DNAH2: variants seen among roughly 807,000 people sequenced by gnomAD.
DNAH2 encodes the protein dynein axonemal heavy chain 2.
DNAH2 carries 323 observed loss-of-function variants against 523.5 expected under a neutral mutation model. The ratio of observed to expected loss-of-function variants is 0.62; its 90% CI spans 0.56 to 0.68. The LOEUF is 0.68. Ranked by LOEUF, DNAH2 falls within the 30% of genes least tolerant of loss-of-function variation. The probability of loss-of-function intolerance (pLI) is 0.00; values close to 1 mark genes in which losing one functional copy is unlikely to be tolerated. For missense variants in DNAH2, 4,907 were observed against 5,701.5 expected (o/e 0.86, Z 4.49); for synonymous variants, 2,093 against 2,177.4 (o/e 0.96, Z 1.08).
Position 7,816,661 on chromosome 17 carries a change from C to G in DNAH2, c.9820C>G (p.Leu3274Val). The G allele has an allele frequency of 6.2e-7, 1 of 1,614,208 alleles. No individual in the cohort carries two copies. Among genetic ancestry groups the G allele is most frequent in the East Asian group, 2.2e-5 (1 of 44,892 alleles). ...TCGCAAGAAGTCTGAAGAGATGGAG[C>G]TGAAGCTGGAGCGAGCTGGGATGCT... ...ELRKKSEEME[L>V]KLERAGMLVS... The change falls in exon 64 of 86, where the codon CTG (leucine) becomes GTG (valine). Residue 3274 changes from leucine (L) to valine (V), a missense_variant. Transcript: ENST00000572933.
rs35295135 is a variant in DNAH2 at position 7,798,207 on chromosome 17, G to A, written c.8281G>A (p.Val2761Met). Residue 2761 changes from valine to methionine, a missense_variant, in exon 54 of 86, where the codon GTG becomes ATG. Transcript: ENST00000572933. The surrounding 1 kb of genome is among the most constrained non-coding windows in gnomAD (Gnocchi z 5.5). ...ACAGCCTCGGGGCAACATGCTCCTG[G>A]TGGGTATCGGGGGCAGCGGACGCCA... ...IGQPRGNMLLVGIGGSGRQSL... is the reference protein window; with the variant it reads ...IGQPRGNMLLMGIGGSGRQSL... 0.024 allele frequency: 38,707 copies of A among 1,612,898 alleles called. 521 individuals carry two copies. The highest frequency in any genetic ancestry group is 0.029 in the Non-Finnish European group (34,026 of 1,179,006).
At position 7,718,674 on chromosome 17, in the gene DNAH2, G is replaced by A. The variant is rs1047615117; in HGVS notation, c.-140G>A. 1 of 152,662 alleles carries A rather than the reference G, an allele frequency of 6.6e-6. No individual in the cohort carries two copies. The highest frequency in any genetic ancestry group is 1.5e-5 in the Non-Finnish European group (1 of 68,062). The allele number at this position is 152,662 out of a possible 1,614,324, so 9.5% of individuals were successfully genotyped here. ...CCAATCTGTTCTCAGGGCATTTTGA[G>A]TCAAATAAATGATCCTGACTGATCT... On this transcript the variant is annotated 5_prime_UTR_variant, in exon 1 of 86. Coordinates refer to ENST00000572933, the MANE Select transcript of DNAH2 (RefSeq NM_020877.5).
Position 7,792,063 on chromosome 17 carries a change from C to T in DNAH2, c.7047C>T (p.Pro2349=). ...SYLREIEGSF[P]NKDTVYEYFV... ...TCCGAGAGATCGAGGGCTCCTTTCC[C>T]AATAAGGTTGGGCGCACACCTGGCT... is the stretch of plus-strand genomic sequence containing the variant. Residue 2349 remains proline, a synonymous_variant, in exon 45 of 86, where the codon CCC becomes CCT. Transcript: ENST00000572933. 1.2e-6 allele frequency: 2 copies of T among 1,613,374 alleles called. No individual in the cohort carries two copies. The highest frequency in any genetic ancestry group is 1.3e-5 in the African/African-American group (1 of 74,852).
chr17:7,767,583 A>G (rs923986611), intron 22 of DNAH2, among the ~76,000 whole-genome samples: 27 of 147,434 alleles, frequency 1.8e-4, no homozygotes, highest in Non-Finnish European at 3.6e-4. Context: ...CTATTTCTCC[A>G]TATCTCCGTG....
At chr17:7,757,510 C>T (rs1248417916) in intron 13 of DNAH2, among the ~76,000 whole-genome samples, 1 of 152,098 alleles carries the variant, frequency 6.6e-6, no homozygotes, top group Admixed American at 6.6e-5. Flanking sequence ...AGCTCTGGGC[C>T]AGTTCTCTAG....
chr17:7,767,064 G>A (rs987289803), intron 22 of DNAH2, among the ~76,000 whole-genome samples: 4 of 151,802 alleles, frequency 2.6e-5, no homozygotes, highest in African/African-American at 7.3e-5. Context: ...TAGCAGTCAC[G>A]TGCATCCCCC....
chr17:7,798,993 G>T lies in DNAH2; in HGVS notation c.8560-110G>T. On this transcript the variant is annotated intron_variant, in intron 55 of 85. Coordinates refer to ENST00000572933, the MANE Select transcript of DNAH2 (RefSeq NM_020877.5). This position sits in a 1 kb window ranked among gnomAD's most constrained non-coding sequence, Gnocchi z 5.5. ...AAGTGGGAGGATGGTTTGAGGCCAG[G>T]AGTTCAAGTCCAGCCTGGGAAACAC... The T allele has an allele frequency of 6.9e-7, 1 of 1,445,218 alleles. No individual in the cohort carries two copies. The highest frequency in any genetic ancestry group is 1.3e-5 in the South Asian group (1 of 75,914). The allele number at this position is 1,445,218 out of a possible 1,614,324, so 89.5% of individuals were successfully genotyped here. A position where few individuals can be genotyped will look rare whatever the true frequency, so the allele number is the denominator to read the frequency against.
intron 58 of DNAH2, among the ~76,000 whole-genome samples, chr17:7,802,860 A>G (rs1400321672): frequency 6.7e-6 from 1 of 149,054 alleles, no homozygotes; most frequent in African/African-American, 2.5e-5. Context: ...TTTAGTAGAG[A>G]CAGGGTTTCA....
Position 7,801,687 on chromosome 17 carries a change from G to A in DNAH2, c.8809G>A (p.Val2937Ile). The change falls in exon 57 of 86, where the codon GTA becomes ATA. Residue 2937 changes from valine to isoleucine, a missense_variant. Around this residue, in one of 3 missense-constraint regions of DNAH2, gnomAD observed 1,851 missense variants for 2,139.4 expected, o/e 0.87. Transcript: ENST00000572933. ...GGTGGCTGAGAAGTGCCTCATAGGAGTAGACCTGGGAACTCAGGAGAATGT... is the reference window on the plus strand; with the variant it reads ...GGTGGCTGAGAAGTGCCTCATAGGAATAGACCTGGGAACTCAGGAGAATGT... ...LEVAEKCLIG[V>I]DLGTQENIHR... 1 of 1,614,152 alleles carries A rather than the reference G, an allele frequency of 6.2e-7. No homozygotes were observed. Among genetic ancestry groups the A allele is most frequent in the South Asian group, 1.1e-5 (1 of 91,086 alleles).
Position 7,807,979 on chromosome 17 carries a change from G to T in DNAH2, c.9729+393G>T, listed in dbSNP as rs1449499943. On this transcript the variant is annotated intron_variant, in intron 63 of 85. Coordinates refer to ENST00000572933, the MANE Select transcript of DNAH2 (RefSeq NM_020877.5). This position sits in a 1 kb window ranked among gnomAD's most constrained non-coding sequence, Gnocchi z 5.6. ...TTCTGTGGACCAAGAACAACGTGAG[G>T]GTGTCTGTGCATATGTTGTGTGGGG... Among the ~76,000 whole-genome samples, 3 of 152,126 alleles carry T rather than the reference G, an allele frequency of 2.0e-5. No homozygotes were observed. The highest frequency in any genetic ancestry group is 7.2e-5 in the African/African-American group (3 of 41,420).
In DNAH2 at chr17:7,776,800, A is replaced by G. The variant is rs149023499; in HGVS notation, c.4969A>G (p.Ile1657Val). The G allele has an allele frequency of 8.3e-4, 1,334 of 1,612,890 alleles. 9 individuals are homozygous for G. The African/African-American group carries it at 0.016, about 19-fold the overall frequency. The change falls in exon 32 of 86, where the codon ATC becomes GTC. Residue 1657 changes from isoleucine (I) to valine (V), a missense_variant. Physicochemically the swap from Ile to Val is conservative, Grantham distance 29. Coordinates refer to ENST00000572933, the MANE Select transcript of DNAH2 (RefSeq NM_020877.5). ...AGQVVITASQ[I>V]QWTADVTKCL... ...CCAGGTGGTGATCACTGCCAGTCAGATCCAGTGGACGGCTGATGTCACCAA... is the reference window on the plus strand; with the variant it reads ...CCAGGTGGTGATCACTGCCAGTCAGGTCCAGTGGACGGCTGATGTCACCAA...
rs373834518 is a variant in DNAH2, at chr17:7,778,062, C to T, written c.5248-15C>T. 825 of 1,603,682 alleles carry T rather than the reference C, an allele frequency of 5.1e-4. 3 individuals carry two copies. Among genetic ancestry groups the T allele is most frequent in the Non-Finnish European group, 5.8e-4 (683 of 1,170,392 alleles). ...CCAAGCCCACCTCTCTCTTTTTCTG[C>T]GCTGTTTTCCCCAGGATCTTGATGA... On this transcript the variant is annotated splice_polypyrimidine_tract_variant and intron_variant, in intron 33 of 85. Transcript: ENST00000572933.
Position 7,787,049 on chromosome 17 carries a change from G to A in DNAH2, c.6603+16G>A. ...GCCCGAGCAGGTCAGGGACGCGGCT[G>A]ACTCCTGGAGGCCTGCAGAGGCAGG... On this transcript the variant is annotated intron_variant, in intron 42 of 85. Coordinates refer to ENST00000572933, the MANE Select transcript of DNAH2 (RefSeq NM_020877.5). 1.2e-6 allele frequency: 2 copies of A among 1,613,264 alleles called. No homozygotes were observed. Among genetic ancestry groups the A allele is most frequent in the African/African-American group, 1.3e-5 (1 of 75,060 alleles).
rs2076948854 is a variant in DNAH2, at chr17:7,793,219, G to C, written c.7569+14G>C. On this transcript the variant is annotated intron_variant, in intron 48 of 85. Coordinates refer to ENST00000572933, the MANE Select transcript of DNAH2 (RefSeq NM_020877.5). ...AAGTACATTCGAGTAAGCCTCGCTAGAGTCTGTTCTTCAGGCCTCTGCTCC... is the reference window on the plus strand; with the variant it reads ...AAGTACATTCGAGTAAGCCTCGCTACAGTCTGTTCTTCAGGCCTCTGCTCC... 1 of 1,609,784 alleles carries C rather than the reference G, an allele frequency of 6.2e-7. No homozygotes were observed. Among genetic ancestry groups the C allele is most frequent in the Non-Finnish European group, 8.5e-7 (1 of 1,176,980 alleles).
Position 7,818,391 on chromosome 17 carries a change from C to T in DNAH2, c.10467C>T (p.Leu3489=). 6.2e-7 allele frequency: 1 copy of T among 1,614,214 alleles called. No homozygotes were observed. The highest frequency in any genetic ancestry group is 8.5e-7 in the Non-Finnish European group (1 of 1,180,042). The stretch of plus-strand genomic sequence containing the variant: ...TCCGTTTCTACATCACCACCAAGCT[C>T]TCCAACCCCCACTACAGCCCAGAGA... ...TNFRFYITTK[L]SNPHYSPETS... The change falls in exon 69 of 86, where the codon CTC becomes CTT. Residue 3489 remains leucine, a synonymous_variant. Transcript: ENST00000572933.
intron 24 of DNAH2, 127 bp downstream of exon 24, chr17:7,768,394 T>C: frequency 1.1e-6 from 1 of 870,354 alleles, no homozygotes; most frequent in Non-Finnish European, 1.8e-6. Flanking sequence ...CAAATGTATG[T>C]CTTTTTCTCT....
At position 7,831,691 on chromosome 17, in the gene DNAH2, C is replaced by T. The variant is rs745635587; in HGVS notation, c.12642C>T (p.Ile4214=). The T allele has an allele frequency of 1.2e-6, 2 of 1,614,074 alleles. No homozygotes were observed. The highest frequency in any genetic ancestry group is 1.7e-6 in the Non-Finnish European group (2 of 1,180,040). Residue 4214 remains isoleucine (I), a synonymous_variant, in exon 82 of 86, where the codon ATC becomes ATT. Transcript: ENST00000572933. This position sits in a 1 kb window ranked among gnomAD's most constrained non-coding sequence, Gnocchi z 4.2. ...LFSLTDLEKG[I]QGLIVMSTSL... Reference sequence around the variant, plus strand: ...CACTGACAGACCTAGAGAAAGGCATCCAGGGTCTCATCGTCATGTCTACAA... The same window carrying T: ...CACTGACAGACCTAGAGAAAGGCATTCAGGGTCTCATCGTCATGTCTACAA...
Position 7,798,962 on chromosome 17 carries a change from G to A in DNAH2, c.8560-141G>A, listed in dbSNP as rs1463532848. On this transcript the variant is annotated intron_variant, in intron 55 of 85. Transcript: ENST00000572933. This position sits in a 1 kb window ranked among gnomAD's most constrained non-coding sequence, Gnocchi z 5.5. ...AGTTCCAGCTACTCGGGGGTGGGGG[G>A]TGCTGAAGTGGGAGGATGGTTTGAG... 4 of 1,253,470 alleles carry A rather than the reference G, an allele frequency of 3.2e-6. No homozygotes were observed. The highest frequency in any genetic ancestry group is 4.4e-6 in the Non-Finnish European group (4 of 911,818). 77.6% of individuals were successfully genotyped at this position (1,253,470 alleles called of 1,614,324 possible).
intron 20 of DNAH2, among the ~76,000 whole-genome samples, chr17:7,764,662 T>A (rs1402008795): frequency 6.6e-6 from 1 of 151,812 alleles, no homozygotes; most frequent in Non-Finnish European, 1.5e-5. Context: ...GGGTCTCATT[T>A]TGTTGCCCAG....
Sources: gnomAD v4.1 joint callset for allele counts (sites outside exome capture counted in the v4.1 genomes callset) on GRCh38, gnomAD v4.1.1 for gene constraint, gnomAD v4.1.1 regional missense constraint, Gnocchi (gnomAD v3.1) non-coding constraint, MANE v1.5 for transcripts, NCBI Gene and HGNC (gene_info 2026-07-23, HGNC 2026-07-21) for gene names.